Variants in ITIH1 observed in about 807,000 individuals in gnomAD.
ITIH1 encodes inter-alpha-trypsin inhibitor heavy chain H1.
Under a neutral mutation model 104.6 loss-of-function variants are expected in ITIH1, and 94 were observed. The ratio of observed to expected loss-of-function variants is 0.90; its 90% CI spans 0.76 to 1.07. The LOEUF (loss-of-function observed/expected upper bound fraction) is 1.07, where lower values mean the gene tolerates loss of function less well. Ranked by LOEUF, ITIH1 falls within the 50% of genes least tolerant of loss-of-function variation. The pLI, the probability that ITIH1 is intolerant of heterozygous loss-of-function variation, is 0.00. For missense variants in ITIH1, 1,193 were observed against 1,181.4 expected (o/e 1.01, Z -0.14); for synonymous variants, 455 against 464.4 (o/e 0.98, Z 0.26).
At chr3:52,783,473 T>A in intron 10 of ITIH1, 134 bp downstream of exon 10, 1 of 916,904 alleles carries the variant, frequency 1.1e-6, no homozygotes, top group Non-Finnish European at 1.7e-6. Flanking sequence ...CAAGCACTGG[T>A]CTAAAAACAC....
At chr3:52,778,104 A>G (rs541142547) in intron 2 of ITIH1, 87 bp downstream of exon 2, 58 of 1,453,456 alleles carry the variant, frequency 4.0e-5, no homozygotes, top group East Asian at 6.8e-5. Context: ...GGACCCCTCT[A>G]TCAGGGCCAT....
At chr3:52,789,895 G>T in intron 19 of ITIH1, 41 bp downstream of exon 19, 1 of 1,598,588 alleles carries the variant, frequency 6.3e-7, no homozygotes, top group Non-Finnish European at 8.6e-7. Context: ...GGGGAGGTGT[G>T]GCCTGGGCCC....
At position 52,789,654 on chromosome 3, in the gene ITIH1, C is replaced by A. The variant is rs755153035; in HGVS notation, c.2121C>A (p.Gly707=). The A allele has an allele frequency of 6.2e-7, 1 of 1,614,022 alleles. No individual in the cohort carries two copies. The highest frequency in any genetic ancestry group is 8.5e-7 in the Non-Finnish European group (1 of 1,179,910). ...GGATGCCCTCTTGCTCCATTGCAGGCTTCTCAGTGAATGGACAGCTCATTG... is the reference window on the plus strand; with the variant it reads ...GGATGCCCTCTTGCTCCATTGCAGGATTCTCAGTGAATGGACAGCTCATTG... The part of the protein sequence containing the change: ...ILSLVQDPNT[G]FSVNGQLIGN... The change falls in exon 19 of 22, where the codon GGC becomes GGA. Residue 707 remains glycine (G), a splice_region_variant and synonymous_variant. Transcript: ENST00000273283.
At chr3:52,791,450 C>T (rs1699353322) in intron 20 of ITIH1, 67 bp from the exon 21 acceptor site, 1 of 1,322,458 alleles carries the variant, frequency 7.6e-7, no homozygotes, top group Admixed American at 1.7e-5. Flanking sequence ...GCAGTGAGCA[C>T]CTGCTGAGTG....
chr3:52,787,651 C>T, intron 16 of ITIH1, 39 bp downstream of exon 16: 8 of 1,607,446 alleles, frequency 5.0e-6, no homozygotes, highest in Non-Finnish European at 6.8e-6. Flanking sequence ...ATCTCTACCC[C>T]TCCTTGATGA....
Position 52,779,732 on chromosome 3 carries a change from C to A in ITIH1, c.573+138C>A. On this transcript the variant is annotated intron_variant, in intron 5 of 21. Transcript: ENST00000273283. The surrounding 1 kb of genome is among the most constrained non-coding windows in gnomAD (Gnocchi z 4.4). ...GGGGACTAACCCCTCAGGGTGAGCT[C>A]TGATGTGCTCTTCTTGGGCAGGGAA... The A allele has an allele frequency of 9.0e-7, 1 of 1,115,706 alleles. No homozygotes were observed. 69.1% of individuals were successfully genotyped at this position (1,115,706 alleles called of 1,614,324 possible).
Position 52,789,762 on chromosome 3 carries a change from G to C in ITIH1, c.2229G>C (p.Gln743His), listed in dbSNP as rs746196568. The C allele has an allele frequency of 6.2e-7, 1 of 1,614,248 alleles. No homozygotes were observed. The highest frequency in any genetic ancestry group is 8.5e-7 in the Non-Finnish European group (1 of 1,180,044). Residue 743 changes from glutamine (Q) to histidine (H), a missense_variant, in exon 19 of 22, where the codon CAG (glutamine) becomes CAC (histidine). Coordinates refer to ENST00000273283, the MANE Select transcript of ITIH1 (RefSeq NM_002215.4). ...LGIANPATDF[Q>H]LEVTPQNITL... is the part of the protein sequence containing the mutation. ...TCGCAAACCCTGCCACGGACTTTCA[G>C]TTGGAAGTGACTCCTCAGAACATTA...
intron 12 of ITIH1, among the ~76,000 whole-genome samples, chr3:52,785,538 CT>C (rs1171610527): frequency 6.6e-6 from 1 of 152,258 alleles, no homozygotes; most frequent in African/African-American, 2.4e-5. Flanking sequence ...CCTCTCCCTT[CT>C]CATTTGATAA....
intron 8 of ITIH1, 42 bp from the exon 9 acceptor site, chr3:52,782,904 TCCTGGGGCCAC>T (rs1419741320): frequency 3.2e-6 from 5 of 1,580,082 alleles, no homozygotes; most frequent in African/African-American, 1.3e-5. Context: ...GAAGGTGCTG[TCCTGGGGCCAC>T]CCTGGGGCCC....
At chr3:52,782,584 G>A (rs944122375) in intron 8 of ITIH1, among the ~76,000 whole-genome samples, 5 of 115,616 alleles carry the variant, frequency 4.3e-5, no homozygotes, top group Admixed American at 9.2e-5. Flanking sequence ...ACGGTGGTCC[G>A]TGGGGAGGCA....
chr3:52,782,935 A>G, intron 8 of ITIH1, 22 bp from the exon 9 acceptor site: 1 of 1,613,040 alleles, frequency 6.2e-7, no homozygotes, highest in Non-Finnish European at 8.5e-7. Flanking sequence ...CTGTCTGTCT[A>G]CTGACTGTTC....
chr3:52,786,617 C>T (rs1458644697), intron 13 of ITIH1, among the ~76,000 whole-genome samples, 183 bp downstream of exon 13: 1 of 152,220 alleles, frequency 6.6e-6, no homozygotes, highest in East Asian at 1.9e-4. Context: ...CACCAGGGCA[C>T]AAGGCAGCCT....
chr3:52,786,451 T>C lies in ITIH1; in HGVS notation c.1733+17T>C. On this transcript the variant is annotated intron_variant, in intron 13 of 21. Coordinates refer to ENST00000273283, the MANE Select transcript of ITIH1 (RefSeq NM_002215.4). ...GGCCAAGCGGTAGGGCACCTGCAGC[T>C]GCCCCAGGTGGGCACTGCCCACCCC... is the stretch of plus-strand genomic sequence containing the variant. The C allele has an allele frequency of 6.4e-7, 1 of 1,565,254 alleles. No homozygotes were observed. Among genetic ancestry groups the C allele is most frequent in the Non-Finnish European group, 8.7e-7 (1 of 1,154,778 alleles).
At position 52,782,025 on chromosome 3, in the gene ITIH1, T is replaced by A. The variant is rs767352868; in HGVS notation, c.773T>A (p.Val258Glu). 72 of 1,613,956 alleles carry A rather than the reference T, an allele frequency of 4.5e-5. 1 individual carries two copies. In the South Asian group the frequency reaches 7.8e-4, roughly 17 times the overall value. Residue 258 changes from valine to glutamate, a missense_variant, in exon 7 of 22, where the codon GTG becomes GAG. By Grantham distance (121) the Val-to-Glu change is moderately radical. Transcript: ENST00000273283. The part of the protein sequence containing the change: ...STSLLNGHFK[V>E]TYDVSRDKIC... ...TCCTTACTGAACGGGCACTTCAAGG[T>A]GACCTACGATGTCAGTCGAGACAAG...
At position 52,781,212 on chromosome 3, in the gene ITIH1, TTCTTCTTCTTCTTC is replaced by T. The variant is rs1699035990; in HGVS notation, c.688-726_688-713del. 1.2e-3 allele frequency among the ~76,000 whole-genome samples: 17 copies of T among 13,912 alleles called. 1 individual carries two copies. The highest frequency in any genetic ancestry group is 3.5e-3 in the East Asian group (2 of 574). The allele number at this position is 13,912 out of a possible 152,430, so 9.1% of individuals were successfully genotyped here. On this transcript the variant is annotated intron_variant, in intron 6 of 21. Coordinates refer to ENST00000273283, the MANE Select transcript of ITIH1 (RefSeq NM_002215.4). ...TCCTCCTCTTCTTTTTTTTTTTTTC[TTCTTCTTCTTCTTC>T]TTCTTCTTCTTCTTCTTCTTCTTCT...
At chr3:52,778,790 C>A (rs1217836492) in intron 3 of ITIH1, 152 bp from the exon 4 acceptor site, 3 of 1,082,044 alleles carry the variant, frequency 2.8e-6, no homozygotes, top group Non-Finnish European at 4.0e-6. Flanking sequence ...GGGCTGCTCA[C>A]CTCATTGCCC....
chr3:52,782,883 A>C, intron 8 of ITIH1, 74 bp from the exon 9 acceptor site: 5 of 1,399,048 alleles, frequency 3.6e-6, no homozygotes, highest in Non-Finnish European at 5.0e-6. Flanking sequence ...TGAAATGGGT[A>C]TTTGGAGTTG....
chr3:52,780,519 T>A (rs912725009), intron 6 of ITIH1, 137 bp downstream of exon 6: 2 of 628,534 alleles, frequency 3.2e-6, no homozygotes, highest in Non-Finnish European at 5.7e-6. Flanking sequence ...GAAGCTGGTG[T>A]CATGTGATTG....
chr3:52,777,815 G>A, intron 1 of ITIH1, 83 bp downstream of exon 1: 1 of 1,390,848 alleles, frequency 7.2e-7, no homozygotes, highest in South Asian at 1.2e-5. Flanking sequence ...CCCATTCAAG[G>A]GGCCAGGGTC....
Sources: gnomAD v4.1 joint callset for allele counts (sites outside exome capture counted in the v4.1 genomes callset) on GRCh38, gnomAD v4.1.1 for gene constraint, Gnocchi (gnomAD v3.1) non-coding constraint, MANE v1.5 for transcripts, NCBI Gene and HGNC (gene_info 2026-07-23, HGNC 2026-07-21) for gene names.